Variants in MOB1B observed in about 807,000 individuals in gnomAD.
MOB1B encodes MOB kinase activator 1B.
In MOB1B, 19 loss-of-function variants were observed where a neutral mutation model predicts 24.4. The observed-to-expected ratio is 0.78, with a 90% CI of 0.54 to 1.14. The LOEUF (loss-of-function observed/expected upper bound fraction) is 1.14. MOB1B is among the 50% of genes most tolerant of loss of function. The pLI is 0.00. For synonymous variants in MOB1B, 76 were observed against 82.1 expected (o/e 0.93, Z 0.40); for missense variants, 243 against 259.6 (o/e 0.94, Z 0.44).
At chr4:70,980,356 G>T (rs1343562838) in intron 5 of MOB1B, among the ~76,000 whole-genome samples, 1 of 152,166 alleles carries the variant, frequency 6.6e-6, no homozygotes, top group Non-Finnish European at 1.5e-5. Context: ...AGTTCAGGTT[G>T]TGGTGGTTTA....
chr4:70,974,958 T>G (rs1028152134), intron 3 of MOB1B, among the ~76,000 whole-genome samples, 195 bp from the exon 4 acceptor site: 1 of 152,220 alleles, frequency 6.6e-6, no homozygotes, highest in African/African-American at 2.4e-5. Context: ...AACATGAGTT[T>G]GTTGGGATCT....
chr4:70,956,178 A>T (rs1467420410), intron 1 of MOB1B, among the ~76,000 whole-genome samples: 1 of 152,146 alleles, frequency 6.6e-6, no homozygotes, highest in Non-Finnish European at 1.5e-5. Context: ...TTGGATTTAC[A>T]CTTTTGCACT....
chr4:70,935,952 C>T (rs947355399), intron 1 of MOB1B, among the ~76,000 whole-genome samples: 5 of 149,880 alleles, frequency 3.3e-5, no homozygotes, highest in African/African-American at 9.8e-5. Flanking sequence ...CCCGGGTTCA[C>T]GCCATTCTCC....
rs767958941 is a variant in MOB1B at position 70,975,346 on chromosome 4, T to G, written c.409+60T>G. ...ATTTATCTTTTATATGTTTATAGAA[T>G]TTTCCTCCCTCTTTCCACTATATCT... is the stretch of plus-strand genomic sequence containing the variant. On this transcript the variant is annotated intron_variant, in intron 4 of 5. Coordinates refer to ENST00000309395, the MANE Select transcript of MOB1B (RefSeq NM_173468.4). 3 of 1,587,498 alleles carry G rather than the reference T, an allele frequency of 1.9e-6. No homozygotes were observed. In the South Asian group the frequency reaches 3.5e-5, roughly 18 times the overall value.
At chr4:70,914,847 C>T (rs1285151937) in intron 1 of MOB1B, among the ~76,000 whole-genome samples, 1 of 152,186 alleles carries the variant, frequency 6.6e-6, no homozygotes, top group Non-Finnish European at 1.5e-5. Flanking sequence ...CGGTTACTGC[C>T]CCACCTCCTC....
intron 1 of MOB1B, among the ~76,000 whole-genome samples, chr4:70,919,930 GCCTTA>G (rs1176036931): frequency 6.6e-6 from 1 of 152,108 alleles, no homozygotes; most frequent in Non-Finnish European, 1.5e-5. Context: ...ATGTCCCCAG[GCCTTA>G]CCTAGCTGGA....
intron 1 of MOB1B, among the ~76,000 whole-genome samples, chr4:70,918,614 C>T (rs865902457): frequency 1.8e-4 from 28 of 151,678 alleles, no homozygotes; most frequent in African/African-American, 4.1e-4. Flanking sequence ...GAGTAGGTTG[C>T]GAAAATTTTC....
At chr4:70,905,591 T>TA (rs773144072) in intron 1 of MOB1B, among the ~76,000 whole-genome samples, 9 of 152,126 alleles carry the variant, frequency 5.9e-5, no homozygotes, top group Non-Finnish European at 1.0e-4. Context: ...AGGAAAGCGT[T>TA]ACAGCTTAGG....
In MOB1B at chr4:70,984,291, A is replaced by G. The variant is rs775370956; in HGVS notation, c.*2234A>G. The G allele has an allele frequency of 2.0e-5, 3 of 152,190 alleles. No individual in the cohort carries two copies. The highest frequency in any genetic ancestry group is 4.4e-5 in the Non-Finnish European group (3 of 68,008). 9.4% of individuals were successfully genotyped at this position (152,190 alleles called of 1,614,324 possible). On this transcript the variant is annotated 3_prime_UTR_variant, in exon 6 of 6. Transcript: ENST00000309395. ...TGTATATATGGTAACAAAGCATAGC[A>G]GTTCTCTAGGGGAGAGGCCTGGCAT...
intron 1 of MOB1B, among the ~76,000 whole-genome samples, chr4:70,933,690 T>C (rs1736973335): frequency 6.6e-6 from 1 of 151,868 alleles, no homozygotes; most frequent in South Asian, 2.1e-4. Flanking sequence ...TAGCTGGGAT[T>C]ACAGGCTCCC....
At chr4:70,932,775 T>C (rs1394575491) in intron 1 of MOB1B, among the ~76,000 whole-genome samples, 1 of 152,218 alleles carries the variant, frequency 6.6e-6, no homozygotes, top group African/African-American at 2.4e-5. Context: ...ATTGATTGAA[T>C]GTAGCAGTGT....
chr4:70,937,556 G>C (rs551616249), intron 1 of MOB1B, among the ~76,000 whole-genome samples: 1 of 151,120 alleles, frequency 6.6e-6, no homozygotes, highest in South Asian at 2.1e-4. Context: ...TTGTCACCCA[G>C]GCCGGAATGC....
intron 1 of MOB1B, among the ~76,000 whole-genome samples, chr4:70,931,876 A>G (rs1026084660): frequency 1.3e-5 from 2 of 151,952 alleles, no homozygotes; most frequent in Non-Finnish European, 2.9e-5. Context: ...GAGTACAGGC[A>G]CATGCACCAT....
intron 1 of MOB1B, among the ~76,000 whole-genome samples, chr4:70,907,038 G>A (rs1735776638): frequency 6.6e-6 from 1 of 152,196 alleles, no homozygotes; most frequent in Admixed American, 6.6e-5. Context: ...TCTCTAAGAA[G>A]ACAAGGGGAA....
intron 1 of MOB1B, among the ~76,000 whole-genome samples, chr4:70,929,215 G>C (rs1736780665): frequency 2.7e-5 from 3 of 111,032 alleles, no homozygotes. Flanking sequence ...CAATCTTGCT[G>C]TCACCCAGGC....
intron 1 of MOB1B, among the ~76,000 whole-genome samples, chr4:70,910,654 A>G (rs1735944387): frequency 1.3e-5 from 2 of 152,064 alleles, no homozygotes; most frequent in African/African-American, 4.8e-5. Context: ...TTTAACCTTT[A>G]TCTTTAGTGT....
chr4:70,938,992 A>G (rs1461461874), intron 1 of MOB1B, among the ~76,000 whole-genome samples: 2 of 152,052 alleles, frequency 1.3e-5, no homozygotes, highest in African/African-American at 4.8e-5. Flanking sequence ...GGCCCCTTGC[A>G]GTTCAAATTT....
At chr4:70,960,164 G>A (rs1046288596) in intron 2 of MOB1B, among the ~76,000 whole-genome samples, 2 of 152,106 alleles carry the variant, frequency 1.3e-5, no homozygotes, top group African/African-American at 4.8e-5. Context: ...TTACAGGTGT[G>A]AGCTACCACG....
intron 1 of MOB1B, among the ~76,000 whole-genome samples, chr4:70,909,517 TA>T (rs201749220): frequency 1.1e-4 from 16 of 150,904 alleles, no homozygotes; most frequent in South Asian, 4.2e-4. Flanking sequence ...AAGAAAACAT[TA>T]AAAAAAAATA....
Sources: allele counts gnomAD v4.1 joint callset (sites outside exome capture counted in the v4.1 genomes callset), GRCh38; gene constraint gnomAD v4.1.1; transcripts MANE v1.5; gene names NCBI Gene and HGNC (gene_info 2026-07-23, HGNC 2026-07-21).